The following CLVS1 variants were observed in gnomAD, a reference collection of about 807,000 sequenced individuals.
CLVS1 encodes clavesin-1.
Under a neutral mutation model 33.1 loss-of-function variants are expected in CLVS1, and 10 were observed. The ratio of observed to expected loss-of-function variants is 0.30; its 90% CI spans 0.19 to 0.51. The LOEUF (loss-of-function observed/expected upper bound fraction) is 0.51, where lower values mean the gene tolerates loss of function less well. Among genes scored for constraint, CLVS1 ranks in the 20% least tolerant of loss-of-function variants. The pLI, the probability that CLVS1 is intolerant of heterozygous loss-of-function variation, is 0.97. For missense variants in CLVS1, 343 were observed against 433.4 expected, an observed-to-expected ratio of 0.79 and a Z score of 1.85; for synonymous variants, 163 against 166.1, an observed-to-expected ratio of 0.98 and a Z score of 0.14.
intron 2 of CLVS1, among the ~76,000 whole-genome samples, chr8:61,142,851 GC>G (rs1806334938): frequency 6.6e-6 from 1 of 152,146 alleles, no homozygotes; most frequent in Non-Finnish European, 1.5e-5. Context: ...AGTGAACCCA[GC>G]TTTCAAACCT....
At position 61,458,184 on chromosome 8, in the gene CLVS1, C is replaced by G. The variant is rs1450419859; in HGVS notation, c.742-123C>G. On this transcript the variant is annotated intron_variant, in intron 4 of 5. Coordinates refer to ENST00000325897, the MANE Select transcript of CLVS1 (RefSeq NM_173519.3). ...AGCTACAGTCACAAAATCAATGCCT[C>G]TTTAAACACTGTGATCACCAGCAGT... 4.4e-6 allele frequency: 3 copies of G among 688,486 alleles called. No homozygotes were observed. The Admixed American group carries it at 8.0e-5, about 18-fold the overall frequency. The allele number at this position is 688,486 out of a possible 1,614,324, so 42.6% of individuals were successfully genotyped here. A position where few individuals can be genotyped will look rare whatever the true frequency, so the allele number is the denominator to read the frequency against.
At chr8:61,273,801 C>T (rs1809509121) in intron 2 of CLVS1, 1 of 154,694 alleles carries the variant, frequency 6.5e-6, no homozygotes, top group South Asian at 2.0e-4. Flanking sequence ...AGGGAACTCC[C>T]TGACTCCTTG....
chr8:61,435,642 AT>A (rs1172434213), intron 3 of CLVS1, among the ~76,000 whole-genome samples: 8 of 151,168 alleles, frequency 5.3e-5, no homozygotes, highest in Non-Finnish European at 8.8e-5. Flanking sequence ...AAAAAAAAAA[AT>A]GCTTCACATA....
intron 2 of CLVS1, among the ~76,000 whole-genome samples, chr8:61,357,707 ATGTTGGCCAAGCTGGTCTTCAACTC>A (rs1274935367): frequency 5.1e-4 from 77 of 151,290 alleles, no homozygotes; most frequent in African/African-American, 1.4e-3. Flanking sequence ...GGGTTTCAGC[ATGTTGGCCAAGCTGGTCTTCAACTC>A]TGTTGGCCAA....
chr8:61,151,630 C>T (rs370014967), intron 2 of CLVS1, among the ~76,000 whole-genome samples: 2 of 152,210 alleles, frequency 1.3e-5, no homozygotes, highest in East Asian at 3.9e-4. Flanking sequence ...TGGGAGCACC[C>T]GGGCCCCAGG....
chr8:60,968,915 AAAAAT>A, the CLVS1 span, among the ~76,000 whole-genome samples: 2 of 152,000 alleles, frequency 1.3e-5, no homozygotes, highest in Non-Finnish European at 2.9e-5. Flanking sequence ...TAAAATAAAA[AAAAAT>A]AAAAGAAAAA....
chr8:61,310,545 A>C (rs114079675), intron 2 of CLVS1, among the ~76,000 whole-genome samples: 2,162 of 152,304 alleles, frequency 0.014, 35 homozygotes, highest in African/African-American at 0.047. Flanking sequence ...AGTAAGCAAG[A>C]CTTCACTTGT....
At chr8:61,193,592 G>A (rs568055267) in intron 2 of CLVS1, among the ~76,000 whole-genome samples, 183 of 152,078 alleles carry the variant, frequency 1.2e-3, no homozygotes, top group Middle Eastern at 6.8e-3. Context: ...GTCAGAAGAC[G>A]AGGAAATGTT....
At chr8:61,336,254 T>G (rs1186925378) in intron 2 of CLVS1, among the ~76,000 whole-genome samples, 1 of 152,188 alleles carries the variant, frequency 6.6e-6, no homozygotes, top group African/African-American at 2.4e-5. Flanking sequence ...CATTTCCTTC[T>G]CAGGAGTAAT....
chr8:61,232,023 G>GTTTGTTTGTTTGTTTGTTTTTT lies in CLVS1; in HGVS notation c.-151-67651_-151-67650insGTTTGTTTGTTTGTTTTTTTTT. Among the ~76,000 whole-genome samples, 75 of 62,646 alleles carry GTTTGTTTGTTTGTTTGTTTTTT rather than the reference G, an allele frequency of 1.2e-3. 4 individuals are homozygous for GTTTGTTTGTTTGTTTGTTTTTT. Among genetic ancestry groups the GTTTGTTTGTTTGTTTGTTTTTT allele is most frequent in the African/African-American group, 2.5e-3 (53 of 21,118 alleles). The allele number at this position is 62,646 out of a possible 152,430, so 41.1% of individuals were successfully genotyped here. A position where few individuals can be genotyped will look rare whatever the true frequency, so the allele number is the denominator to read the frequency against. On this transcript the variant is annotated intron_variant, in intron 2 of 2. Coordinates refer to the CLVS1 transcript ENST00000522621. ...AGAAGGAGCCCTGAGGAAAGTTGTGGTTTTTTTTTTTTTTTTTTTTTTTTT... is the reference window on the plus strand; with the variant it reads ...AGAAGGAGCCCTGAGGAAAGTTGTGGTTTGTTTGTTTGTTTGTTTTTTTTTTTTTTTTTTTTTTTTTTTTTTT...
chr8:61,270,515 G>A lies in CLVS1; in HGVS notation c.-151-29162G>A, dbSNP rs554988150. Among the ~76,000 whole-genome samples the A allele has an allele frequency of 2.0e-5, 3 of 152,256 alleles. No individual in the cohort carries two copies. In the South Asian group the frequency reaches 6.2e-4, roughly 32 times the overall value. On this transcript the variant is annotated intron_variant, in intron 2 of 2. Transcript: ENST00000522621. ...CTCTGCCTGGCTTTGGTATCAGAAT[G>A]CTGCTGGCCTCATAAAATGAGTTAG...
At chr8:61,347,231 G>T (rs1812253206) in intron 2 of CLVS1, among the ~76,000 whole-genome samples, 1 of 152,174 alleles carries the variant, frequency 6.6e-6, no homozygotes, top group African/African-American at 2.4e-5. Flanking sequence ...TGTCTCTGAA[G>T]AAATTCTCTC....
the CLVS1 span, among the ~76,000 whole-genome samples, chr8:61,024,260 T>C: frequency 2.0e-5 from 3 of 152,222 alleles, no homozygotes; most frequent in African/African-American, 4.8e-5. Context: ...TGGCAAGCCA[T>C]TGGTTTTCTT....
chr8:61,140,202 C>T (rs879417618), intron 2 of CLVS1, among the ~76,000 whole-genome samples: 5 of 152,226 alleles, frequency 3.3e-5, no homozygotes, highest in Non-Finnish European at 5.9e-5. Context: ...GGCGAAGGTT[C>T]CTTGCTGCTG....
chr8:61,494,377 G>C (rs528319917), intron 5 of CLVS1, among the ~76,000 whole-genome samples: 65 of 152,246 alleles, frequency 4.3e-4, no homozygotes, highest in African/African-American at 1.4e-3. Context: ...TGTTAGAGTT[G>C]CCTACTACAC....
chr8:61,039,756 T>C, the CLVS1 span, among the ~76,000 whole-genome samples: 1 of 152,152 alleles, frequency 6.6e-6, no homozygotes, highest in African/African-American at 2.4e-5. Context: ...CCCAGGCTGA[T>C]TTTGAATTCC....
intron 2 of CLVS1, among the ~76,000 whole-genome samples, chr8:61,358,889 T>C (rs1460214017): frequency 6.6e-6 from 1 of 152,204 alleles, no homozygotes; most frequent in Non-Finnish European, 1.5e-5. Context: ...TAAATGTATA[T>C]TTTTTCTGTT....
chr8:61,068,229 G>GTGTATATATATATA (rs1554531443), intron 1 of CLVS1, among the ~76,000 whole-genome samples: 1 of 101,004 alleles, frequency 9.9e-6, no homozygotes, highest in African/African-American at 3.6e-5. Context: ...GTATGTATGT[G>GTGTATATATATATA]TATATATATA....
chr8:61,016,638 G>T, the CLVS1 span, among the ~76,000 whole-genome samples: 1 of 152,218 alleles, frequency 6.6e-6, no homozygotes, highest in Non-Finnish European at 1.5e-5. Flanking sequence ...GGACTCCCAG[G>T]GGGTGGGGGA....
Sources: gnomAD v4.1 joint callset for allele counts (sites outside exome capture counted in the v4.1 genomes callset) on GRCh38, gnomAD v4.1.1 for gene constraint, MANE v1.5 for transcripts, NCBI Gene and HGNC (gene_info 2026-07-23, HGNC 2026-07-21) for gene names.